Variants in FERMT3 observed in about 807,000 individuals in gnomAD.
The protein encoded by FERMT3 is FERM domain containing kindlin 3, also known as fermitin family homolog 3.
Under a neutral mutation model 80.8 loss-of-function variants are expected in FERMT3, and 33 were observed. The observed-to-expected ratio is 0.41, with a 90% CI of 0.31 to 0.55. The LOEUF is 0.55. Among genes scored for constraint, FERMT3 ranks in the 20% least tolerant of loss-of-function variants. The probability of loss-of-function intolerance (pLI) is 0.31; values close to 1 mark genes in which losing one functional copy is unlikely to be tolerated. For synonymous variants in FERMT3, 375 were observed against 372.2 expected, an observed-to-expected ratio of 1.01 and a Z score of -0.09; for missense variants, 754 against 908.7, an observed-to-expected ratio of 0.83 and a Z score of 2.19.
rs185358836 is a variant in FERMT3 at position 64,211,851 on chromosome 11, C to G, written c.786+104C>G. On this transcript the variant is annotated intron_variant, in intron 6 of 14. Coordinates refer to ENST00000345728, the MANE Select transcript of FERMT3 (RefSeq NM_031471.6). The surrounding 1 kb of genome is among the most constrained non-coding windows in gnomAD (Gnocchi z 4.7). ...TGTTAGTGACTTGTAGTGGCCTGTC[C>G]GTCTGCCCGTTTGTCCATCCACACC... 1.8e-6 allele frequency: 2 copies of G among 1,102,574 alleles called. No individual in the cohort carries two copies. The highest frequency in any genetic ancestry group is 1.9e-5 in the Admixed American group (1 of 52,616). 68.3% of individuals were successfully genotyped at this position (1,102,574 alleles called of 1,614,324 possible). A position where few individuals can be genotyped will look rare whatever the true frequency, so the allele number is the denominator to read the frequency against.
intron 13 of FERMT3, 84 bp from the exon 14 acceptor site, chr11:64,222,964 T>G: frequency 6.3e-7 from 1 of 1,580,602 alleles, no homozygotes; most frequent in South Asian, 1.1e-5. Flanking sequence ...AAGGGCTGGC[T>G]CTCCAGCACG....
chr11:64,221,700 G>A (rs1385413006), intron 13 of FERMT3, among the ~76,000 whole-genome samples: 2 of 150,432 alleles, frequency 1.3e-5, no homozygotes, highest in East Asian at 1.9e-4. Flanking sequence ...AGGCCGAGGC[G>A]GGCAGATCAC....
At chr11:64,221,889 T>C (rs369945155) in intron 13 of FERMT3, among the ~76,000 whole-genome samples, 285 of 151,982 alleles carry the variant, frequency 1.9e-3, no homozygotes, top group Middle Eastern at 3.4e-3. Context: ...ACCATGCCAC[T>C]GCACTCCACG....
intron 6 of FERMT3, among the ~76,000 whole-genome samples, chr11:64,213,029 G>A (rs1319177950): frequency 1.3e-5 from 2 of 151,872 alleles, no homozygotes; most frequent in Non-Finnish European, 2.9e-5. Context: ...AAGTAGCTGG[G>A]ACGATAGGCG....
At chr11:64,221,207 GT>G (rs1946674708) in intron 13 of FERMT3, 67 bp downstream of exon 13, 1 of 1,521,396 alleles carries the variant, frequency 6.6e-7, no homozygotes, top group Non-Finnish European at 9.0e-7. Context: ...CGGCTGCTGT[GT>G]GCCCACATCC....
At chr11:64,213,038 C>T (rs962218034) in intron 6 of FERMT3, among the ~76,000 whole-genome samples, 4 of 151,606 alleles carry the variant, frequency 2.6e-5, no homozygotes, top group African/African-American at 7.3e-5. Flanking sequence ...GGACGATAGG[C>T]GTGTACTATA....
At chr11:64,207,727 C>G in intron 2 of FERMT3, 2 of 624,366 alleles carry the variant, frequency 3.2e-6, no homozygotes, top group South Asian at 4.1e-5. Context: ...CTCCCTTCTG[C>G]TGCAGCTGGT....
rs1946783343 is a variant in FERMT3, at chr11:64,223,771, C to G, written c.*279C>G. On this transcript the variant is annotated 3_prime_UTR_variant, in exon 15 of 15. Coordinates refer to ENST00000345728, the MANE Select transcript of FERMT3 (RefSeq NM_031471.6). ...ATACCCCTGACCTATCTGCAGTCCC[C>G]CAGCACACAAGGAAGACCAGATGTA... The G allele has an allele frequency of 1.1e-6, 1 of 894,992 alleles. No individual in the cohort carries two copies. The highest frequency in any genetic ancestry group is 1.7e-5 in the South Asian group (1 of 58,612). The allele number at this position is 894,992 out of a possible 1,614,324, so 55.4% of individuals were successfully genotyped here.
intron 6 of FERMT3, among the ~76,000 whole-genome samples, chr11:64,218,261 C>T (rs986020378): frequency 2.0e-5 from 3 of 152,130 alleles, no homozygotes; most frequent in Non-Finnish European, 4.4e-5. Flanking sequence ...ACCTCGGCCT[C>T]CCAAAGTGCT....
In FERMT3 at chr11:64,219,832, G is replaced by T; in HGVS notation, c.1079+43G>T. On this transcript the variant is annotated intron_variant, in intron 9 of 14. Coordinates refer to ENST00000345728, the MANE Select transcript of FERMT3 (RefSeq NM_031471.6). The surrounding 1 kb of genome is among the most constrained non-coding windows in gnomAD (Gnocchi z 4.0). ...GTAGGCAGCCCTGCTGGAGGGGTTG[G>T]TCTGCATATGGAGGGAGGGGGTGAG... is the stretch of plus-strand genomic sequence containing the variant. 3 of 1,613,950 alleles carry T rather than the reference G, an allele frequency of 1.9e-6. No individual in the cohort carries two copies. The highest frequency in any genetic ancestry group is 2.5e-6 in the Non-Finnish European group (3 of 1,180,016).
At position 64,223,038 on chromosome 11, in the gene FERMT3, T is replaced by C. The variant is rs1946750561; in HGVS notation, c.1671-10T>C. The C allele has an allele frequency of 6.2e-7, 1 of 1,613,166 alleles. No individual in the cohort carries two copies. Among genetic ancestry groups the C allele is most frequent in the African/African-American group, 1.3e-5 (1 of 74,918 alleles). On this transcript the variant is annotated splice_polypyrimidine_tract_variant and intron_variant, in intron 13 of 14. Coordinates refer to ENST00000345728, the MANE Select transcript of FERMT3 (RefSeq NM_031471.6). ...GGAGCCCTGGCTCACTCTCTCTCCCTGGGGGCCAGGTTCAAGGGCAGCAGG... is the reference window on the plus strand; with the variant it reads ...GGAGCCCTGGCTCACTCTCTCTCCCCGGGGGCCAGGTTCAAGGGCAGCAGG...
rs1946775193 is a variant in FERMT3, at chr11:64,223,560, G to A, written c.*68G>A. 3 of 1,530,442 alleles carry A rather than the reference G, an allele frequency of 2.0e-6. No individual in the cohort carries two copies. The highest frequency in any genetic ancestry group is 2.6e-6 in the Non-Finnish European group (3 of 1,135,394). The allele number at this position is 1,530,442 out of a possible 1,614,324, so 94.8% of individuals were successfully genotyped here. On this transcript the variant is annotated 3_prime_UTR_variant, in exon 15 of 15. Transcript: ENST00000345728. Reference sequence around the variant, plus strand: ...GCCACTCCCAAGCCCACACCCACAGGGGCTCACTGCCCCACACCCGCTCCA... The same window carrying A: ...GCCACTCCCAAGCCCACACCCACAGAGGCTCACTGCCCCACACCCGCTCCA...
intron 2 of FERMT3, chr11:64,207,765 C>T (rs1946346368): frequency 2.0e-6 from 1 of 507,946 alleles, no homozygotes; most frequent in Admixed American, 3.4e-5. Context: ...CAGCCACAAT[C>T]CTCCATTCAG....
intron 6 of FERMT3, among the ~76,000 whole-genome samples, chr11:64,212,922 C>T (rs993259103): frequency 1.3e-5 from 2 of 152,052 alleles, no homozygotes; most frequent in Non-Finnish European, 2.9e-5. Context: ...GAGACACAGT[C>T]TTGCTCTGTT....
chr11:64,209,187 AC>A (rs1946383842), intron 2 of FERMT3, among the ~76,000 whole-genome samples: 1 of 152,038 alleles, frequency 6.6e-6, no homozygotes. Flanking sequence ...AGGAGAGGGC[AC>A]CTCTGTGCAC....
chr11:64,207,258 CTG>C, intron 1 of FERMT3, 91 bp from the exon 2 acceptor site: 2 of 1,483,922 alleles, frequency 1.3e-6, no homozygotes, highest in Non-Finnish European at 1.9e-6. Flanking sequence ...CGGCTTTCCT[CTG>C]GGTGTGTCCA....
intron 6 of FERMT3, among the ~76,000 whole-genome samples, chr11:64,213,720 AG>A (rs769649494): frequency 1.7e-4 from 26 of 149,316 alleles, no homozygotes; most frequent in South Asian, 4.3e-4. Flanking sequence ...CACCATGCCC[AG>A]CTAATTTTGT....
rs931087769 is a variant in FERMT3, at chr11:64,207,201, C to A, written c.-14-150C>A. 4.7e-5 allele frequency: 39 copies of A among 836,388 alleles called. No homozygotes were observed. In the African/African-American group the frequency reaches 6.1e-4, roughly 13 times the overall value. 51.8% of individuals were successfully genotyped at this position (836,388 alleles called of 1,614,324 possible). On this transcript the variant is annotated intron_variant, in intron 1 of 14. Coordinates refer to ENST00000345728, the MANE Select transcript of FERMT3 (RefSeq NM_031471.6). ...GCGCTGGAGAGAGAGTCTGAGGGTA[C>A]CACGGGCGTGCTGGCCTGGGTGCTC... is the stretch of plus-strand genomic sequence containing the variant.
chr11:64,219,393 G>A lies in FERMT3; in HGVS notation c.894+35G>A. The A allele has an allele frequency of 6.4e-7, 1 of 1,571,534 alleles. No individual in the cohort carries two copies. The highest frequency in any genetic ancestry group is 8.6e-7 in the Non-Finnish European group (1 of 1,159,078). On this transcript the variant is annotated intron_variant, in intron 7 of 14. Transcript: ENST00000345728. This position sits in a 1 kb window ranked among gnomAD's most constrained non-coding sequence, Gnocchi z 4.0. Reference sequence around the variant, plus strand: ...GGGCCTGGGGGCACCAGGGCAGGTGGGAGGTGAGCCAGTCCCAGGGCAGGA... The same window carrying A: ...GGGCCTGGGGGCACCAGGGCAGGTGAGAGGTGAGCCAGTCCCAGGGCAGGA...
Sources: allele counts gnomAD v4.1 joint callset (sites outside exome capture counted in the v4.1 genomes callset), GRCh38; gene constraint gnomAD v4.1.1; non-coding constraint Gnocchi (gnomAD v3.1); transcripts MANE v1.5; gene names NCBI Gene and HGNC (gene_info 2026-07-23, HGNC 2026-07-21).